The following SUGP1 variants were observed in gnomAD, a reference collection of about 807,000 sequenced individuals.
SUGP1 encodes SURP and G-patch domain containing 1.
A neutral mutation model predicts 76.5 loss-of-function variants in SUGP1; 34 were observed. That is an observed-to-expected ratio of 0.44 (90% CI 0.34 to 0.59). The LOEUF is 0.59. SUGP1 is among the 20% of genes least tolerant of loss of function. The pLI is 0.01. For synonymous variants in SUGP1, 326 were observed against 326.2 expected (o/e 1.00, Z 0.01); for missense variants, 752 against 851.7 (o/e 0.88, Z 1.46).
At chr19:19,307,752 C>T (rs111285846) in intron 3 of SUGP1, among the ~76,000 whole-genome samples, 9 of 151,768 alleles carry the variant, frequency 5.9e-5, no homozygotes, top group African/African-American at 2.2e-4. Context: ...GAGCTGGTTG[C>T]CTCCCAGGTT....
In SUGP1 at chr19:19,301,088, T is replaced by G. The variant is rs2061268193; in HGVS notation, c.887+1177A>C. Among the ~76,000 whole-genome samples the G allele has an allele frequency of 2.0e-5, 3 of 152,176 alleles. No individual in the cohort carries two copies. The South Asian group carries it at 6.2e-4, about 31-fold the overall frequency. ...TCAGGCAAATGAAGGAAAGACATGA[T>G]GACTTGGAGTGGACTAGTGATCCAA... On this transcript the variant is annotated intron_variant, in intron 7 of 13. Coordinates refer to ENST00000247001, the MANE Select transcript of SUGP1 (RefSeq NM_172231.4).
intron 8 of SUGP1, among the ~76,000 whole-genome samples, chr19:19,288,912 A>T (rs1424478750): frequency 6.6e-6 from 1 of 151,904 alleles, no homozygotes; most frequent in Non-Finnish European, 1.5e-5. Context: ...CAGCCTCCTG[A>T]GTAGCTGGGA....
At chr19:19,320,384 G>T in intron 1 of SUGP1, 79 bp downstream of exon 1, 1 of 1,505,578 alleles carries the variant, frequency 6.6e-7, no homozygotes, top group Non-Finnish European at 9.0e-7. Flanking sequence ...GGTCGCAGCA[G>T]GACGGACCCG....
At chr19:19,302,489 G>A (rs1406950552) in intron 6 of SUGP1, 101 bp from the exon 7 acceptor site, 3 of 1,489,168 alleles carry the variant, frequency 2.0e-6, no homozygotes, top group African/African-American at 1.4e-5. Flanking sequence ...TTTTAGGAAT[G>A]ATGCAAAGAG....
intron 1 of SUGP1, among the ~76,000 whole-genome samples, chr19:19,316,980 A>T (rs1304264867): frequency 6.6e-6 from 1 of 152,122 alleles, no homozygotes; most frequent in African/African-American, 2.4e-5. Context: ...TCTACTAAAA[A>T]TACAAAAATT....
chr19:19,306,076 T>C lies in SUGP1; in HGVS notation c.311A>G (p.Asp104Gly). The C allele has an allele frequency of 1.3e-6, 2 of 1,589,690 alleles. No homozygotes were observed. Among genetic ancestry groups the C allele is most frequent in the Non-Finnish European group, 8.6e-7 (1 of 1,168,756 alleles). ...GGCGCTGGGCGCACTGGTCGGGGCG[T>C]CTGGTATAGAAGGAAGGATATGCGC... ...LKLQKAQTST[D>G]APTSAPSAPP... The change falls in exon 4 of 14, where the codon GAC becomes GGC. Residue 104 changes from aspartate (D) to glycine (G), a missense_variant and splice_region_variant. By Grantham distance (94) the Asp-to-Gly change is moderately conservative. Transcript: ENST00000247001.
intron 4 of SUGP1, chr19:19,304,051 GGA>G (rs1242457464): frequency 6.4e-7 from 1 of 1,555,218 alleles, no homozygotes; most frequent in African/African-American, 1.3e-5. Context: ...ACACTAGGTG[GGA>G]GAGAAGTGTG....
chr19:19,293,672 T>C (rs927841816), intron 8 of SUGP1, among the ~76,000 whole-genome samples: 2 of 152,008 alleles, frequency 1.3e-5, no homozygotes, highest in African/African-American at 4.8e-5. Flanking sequence ...CCACACATCA[T>C]ACATTTCACA....
intron 8 of SUGP1, among the ~76,000 whole-genome samples, chr19:19,296,647 A>G (rs979830488): frequency 2.2e-5 from 3 of 139,162 alleles, no homozygotes; most frequent in Admixed American, 1.6e-4. Context: ...ACTCTGTCTC[A>G]AAAAAAAAAA....
chr19:19,295,839 G>A lies in SUGP1; in HGVS notation c.1243+1150C>T, dbSNP rs1341747111. Among the ~76,000 whole-genome samples, 5 of 152,020 alleles carry A rather than the reference G, an allele frequency of 3.3e-5. No homozygotes were observed. In the East Asian group the frequency reaches 7.7e-4, roughly 23 times the overall value. On this transcript the variant is annotated intron_variant, in intron 8 of 13. Coordinates refer to ENST00000247001, the MANE Select transcript of SUGP1 (RefSeq NM_172231.4). ...GAGCTATGATTGTGCCAGTGTACTC[G>A]AACATGGGTGACAGAGACCTCATGT...
chr19:19,295,605 C>CAAAAAAA, intron 8 of SUGP1, among the ~76,000 whole-genome samples: 1 of 66,810 alleles, frequency 1.5e-5, no homozygotes, highest in African/African-American at 4.9e-5. Context: ...GACTCCTTCT[C>CAAAAAAA]AAAAAAAAAA....
At chr19:19,302,565 A>G in intron 6 of SUGP1, 177 bp from the exon 7 acceptor site, 1 of 906,296 alleles carries the variant, frequency 1.1e-6, no homozygotes, top group Non-Finnish European at 1.6e-6. Context: ...ACACACCTCA[A>G]GCCCCCACCC....
In SUGP1 at chr19:19,278,898, G is replaced by A. The variant is rs1232102792; in HGVS notation, c.1529-102C>T. On this transcript the variant is annotated intron_variant, in intron 10 of 13. Coordinates refer to ENST00000247001, the MANE Select transcript of SUGP1 (RefSeq NM_172231.4). Reference sequence around the variant, plus strand: ...AGGTATGAGGCTCAGTGGGAGCCTGGGGCCCCCAGGGAAGGAGGCGGCTAG... The same window carrying A: ...AGGTATGAGGCTCAGTGGGAGCCTGAGGCCCCCAGGGAAGGAGGCGGCTAG... The A allele has an allele frequency of 5.6e-6, 7 of 1,251,470 alleles. No individual in the cohort carries two copies. The South Asian group carries it at 7.8e-5, about 14-fold the overall frequency. The allele number at this position is 1,251,470 out of a possible 1,614,324, so 77.5% of individuals were successfully genotyped here. A position where few individuals can be genotyped will look rare whatever the true frequency, so the allele number is the denominator to read the frequency against.
At chr19:19,307,348 C>G (rs1599866949) in intron 3 of SUGP1, among the ~76,000 whole-genome samples, 1 of 152,136 alleles carries the variant, frequency 6.6e-6, no homozygotes, top group Non-Finnish European at 1.5e-5. Flanking sequence ...CCATGCCTGG[C>G]AGGGGCTTCA....
intron 2 of SUGP1, among the ~76,000 whole-genome samples, chr19:19,311,510 G>A (rs1319817956): frequency 6.6e-6 from 1 of 151,632 alleles, no homozygotes; most frequent in Non-Finnish European, 1.5e-5. Flanking sequence ...GGCGGATCAC[G>A]AGGTCAGGAG....
intron 10 of SUGP1, 83 bp downstream of exon 10, chr19:19,279,130 T>C (rs1430077402): frequency 2.8e-6 from 4 of 1,409,098 alleles, no homozygotes; most frequent in Non-Finnish European, 3.8e-6. Flanking sequence ...CAAGACCACG[T>C]GTGGCGCATC....
In SUGP1 at chr19:19,303,076, C is replaced by T. The variant is rs117344880; in HGVS notation, c.763+272G>A. 2.0e-4 allele frequency among the ~76,000 whole-genome samples: 30 copies of T among 152,268 alleles called. 1 individual carries two copies. In the East Asian group the frequency reaches 4.2e-3, roughly 22 times the overall value. ...CTCTACCTAGGGTACTGCCCTGAAC[C>T]GCTCTCCCAGAAGCGACCTCGACCT... On this transcript the variant is annotated intron_variant, in intron 6 of 13. Transcript: ENST00000247001.
At chr19:19,290,931 A>G (rs1038754619) in intron 8 of SUGP1, among the ~76,000 whole-genome samples, 36 of 152,100 alleles carry the variant, frequency 2.4e-4, no homozygotes, top group African/African-American at 8.5e-4. Context: ...AGCCTGGCCA[A>G]CATGGTGAAA....
intron 7 of SUGP1, among the ~76,000 whole-genome samples, chr19:19,299,930 T>G (rs1012443752): frequency 6.6e-6 from 1 of 152,076 alleles, no homozygotes; most frequent in African/African-American, 2.4e-5. Context: ...TAGCTGAGAT[T>G]GCAGGCATGC....
Sources: gnomAD v4.1 joint callset for allele counts (sites outside exome capture counted in the v4.1 genomes callset) on GRCh38, gnomAD v4.1.1 for gene constraint, MANE v1.5 for transcripts, NCBI Gene and HGNC (gene_info 2026-07-23, HGNC 2026-07-21) for gene names.